The following ZEB2 variants were observed in gnomAD, a reference collection of about 807,000 sequenced individuals.
ZEB2 encodes the protein zinc finger E-box-binding homeobox 2.
ZEB2 carries 6 observed loss-of-function variants against 99.9 expected under a neutral mutation model. The ratio of observed to expected loss-of-function variants is 0.06; its 90% CI spans 0.03 to 0.12. The LOEUF (loss-of-function observed/expected upper bound fraction) is 0.12. Ranked by LOEUF, ZEB2 falls within the 10% of genes least tolerant of loss-of-function variation. The pLI is 1.00. For synonymous variants in ZEB2, 517 were observed against 542.5 expected, an observed-to-expected ratio of 0.95 and a Z score of 0.65; for missense variants, 969 against 1,502.8, an observed-to-expected ratio of 0.64 and a Z score of 5.87.
At position 144,399,365 on chromosome 2, in the gene ZEB2, C is replaced by T. The variant is rs781171719; in HGVS notation, c.1822G>A (p.Glu608Lys). 5 of 1,614,106 alleles carry T rather than the reference C, an allele frequency of 3.1e-6. No homozygotes were observed. The South Asian group carries it at 5.5e-5, about 18-fold the overall frequency. The part of the protein sequence containing the change: ...QHERYLCKMN[E>K]EIKAVLQPHE... ...GGCTGCAGGACCGCCTTGATCTCTT[C>T]ATTCATCTTACAAAGGTAACGTTCA... The change falls in exon 8 of 10, where the codon GAA becomes AAA. Residue 608 changes from glutamate (E) to lysine (K), a missense_variant. By Grantham distance (56) the Glu-to-Lys change is moderately conservative. Transcript: ENST00000627532. The surrounding 1 kb of genome is among the most constrained non-coding windows in gnomAD (Gnocchi z 5.6).
chr2:144,460,183 G>A (rs940861178), intron 2 of ZEB2, among the ~76,000 whole-genome samples: 1 of 152,168 alleles, frequency 6.6e-6, no homozygotes, highest in African/African-American at 2.4e-5. Context: ...GTAGGTTAGA[G>A]ATGTGGACTG....
Position 144,398,692 on chromosome 2 carries a change from G to A in ZEB2, c.2495C>T (p.Ala832Val), listed in dbSNP as rs730881179. 1.9e-6 allele frequency: 3 copies of A among 1,614,022 alleles called. No homozygotes were observed. The South Asian group carries it at 3.3e-5, about 18-fold the overall frequency. The change falls in exon 8 of 10, where the codon GCC becomes GTC. Residue 832 changes from alanine (A) to valine (V), a missense_variant. By Grantham distance (64) the Ala-to-Val change is moderately conservative (BLOSUM62 0). Transcript: ENST00000627532. Reference sequence around the variant, plus strand: ...ACTAGCTTTTGTTTTGTTCTTTGTGGCTATAATACTTTTGGGTTCTTTCAT... The same window carrying A: ...ACTAGCTTTTGTTTTGTTCTTTGTGACTATAATACTTTTGGGTTCTTTCAT... ...KQMKEPKSIIATKNKTKASSI... is the reference protein window; with the variant it reads ...KQMKEPKSIIVTKNKTKASSI...
intron 2 of ZEB2, among the ~76,000 whole-genome samples, chr2:144,468,894 G>A (rs1366114814): frequency 6.6e-6 from 1 of 152,048 alleles, no homozygotes; most frequent in Non-Finnish European, 1.5e-5. Flanking sequence ...TTCAGGGAGG[G>A]AAACTCTTAG....
At chr2:144,450,470 C>T (rs866481671) in intron 2 of ZEB2, 1 of 152,138 alleles carries the variant, frequency 6.6e-6, no homozygotes, top group Non-Finnish European at 1.5e-5. Flanking sequence ...ATTATTCTCT[C>T]TAATCAACAC....
At chr2:144,511,718 T>C (rs1399536574) in intron 2 of ZEB2, 2 of 1,286,432 alleles carry the variant, frequency 1.6e-6, no homozygotes, top group Admixed American at 4.6e-5. Flanking sequence ...ATACAAATAA[T>C]GAGGAGGTGC....
At chr2:144,433,101 A>C (rs975135846) in intron 2 of ZEB2, among the ~76,000 whole-genome samples, 47 of 152,186 alleles carry the variant, frequency 3.1e-4, no homozygotes, top group Non-Finnish European at 1.5e-5. Context: ...CAGTTACTTC[A>C]AAACCACAAA....
At chr2:144,420,640 G>A (rs1308646132) in intron 4 of ZEB2, among the ~76,000 whole-genome samples, 1 of 152,194 alleles carries the variant, frequency 6.6e-6, no homozygotes, top group Non-Finnish European at 1.5e-5. Context: ...GTTCTGAAGA[G>A]ATTGCTGTCG....
chr2:144,441,164 CGAGAGAGAGAGAGAGAGAGA>C (rs113731061), intron 2 of ZEB2, among the ~76,000 whole-genome samples: 2 of 88,850 alleles, frequency 2.3e-5, no homozygotes, highest in East Asian at 3.5e-4. Context: ...TTTAGCTGCA[CGAGAGAGAGAGAGAGAGAGA>C]GAGAGAGAGA....
At chr2:144,480,951 G>A (rs1704502560) in intron 2 of ZEB2, among the ~76,000 whole-genome samples, 1 of 152,046 alleles carries the variant, frequency 6.6e-6, no homozygotes, top group Non-Finnish European at 1.5e-5. Context: ...CTGCTTTTGA[G>A]AATTTTTGTA....
chr2:144,488,098 T>A (rs1704625318), intron 2 of ZEB2, among the ~76,000 whole-genome samples: 1 of 152,182 alleles, frequency 6.6e-6, no homozygotes, highest in African/African-American at 2.4e-5. Context: ...TTCCAGGTAG[T>A]TCAGAGGCCC....
chr2:144,497,554 G>A (rs1163862073), intron 2 of ZEB2, among the ~76,000 whole-genome samples: 1 of 151,788 alleles, frequency 6.6e-6, no homozygotes, highest in Non-Finnish European at 1.5e-5. Context: ...CAGGAATAAA[G>A]GTGAAAGAAG....
intron 2 of ZEB2, chr2:144,513,806 A>G: frequency 1.3e-6 from 2 of 1,535,970 alleles, no homozygotes; most frequent in East Asian, 4.9e-5. Context: ...GGCTGTGTGG[A>G]GATAGTGGGG....
At chr2:144,453,031 T>G (rs1704075818) in intron 2 of ZEB2, among the ~76,000 whole-genome samples, 1 of 152,210 alleles carries the variant, frequency 6.6e-6, no homozygotes. Context: ...TCTTATTTAG[T>G]TTCTATATTA....
At chr2:144,499,121 A>G (rs907847648) in intron 2 of ZEB2, among the ~76,000 whole-genome samples, 2 of 152,232 alleles carry the variant, frequency 1.3e-5, no homozygotes, top group African/African-American at 4.8e-5. Flanking sequence ...AAATAAGCAT[A>G]TTCTTAGGAT....
At chr2:144,502,546 A>G (rs1409829418) in intron 2 of ZEB2, among the ~76,000 whole-genome samples, 2 of 152,176 alleles carry the variant, frequency 1.3e-5, no homozygotes, top group East Asian at 3.8e-4. Flanking sequence ...CTTCAAGCAG[A>G]GAGCTGCCTC....
chr2:144,423,613 T>C (rs1703649800), intron 4 of ZEB2, among the ~76,000 whole-genome samples: 1 of 152,200 alleles, frequency 6.6e-6, no homozygotes, highest in Admixed American at 6.5e-5. Flanking sequence ...TTAGGATTCT[T>C]GGTGCTTGAT....
At chr2:144,476,557 G>C (rs1704432751) in intron 2 of ZEB2, among the ~76,000 whole-genome samples, 1 of 152,132 alleles carries the variant, frequency 6.6e-6, no homozygotes, top group African/African-American at 2.4e-5. Context: ...TCTTCAAAGG[G>C]ACTAGCTGAG....
chr2:144,401,598 C>T (rs1468565520), intron 6 of ZEB2, among the ~76,000 whole-genome samples: 3 of 152,112 alleles, frequency 2.0e-5, no homozygotes, highest in African/African-American at 7.2e-5. Flanking sequence ...GGAAGTATAA[C>T]TGTAAAGATA....
At chr2:144,501,823 T>C (rs1348530698) in intron 2 of ZEB2, among the ~76,000 whole-genome samples, 1 of 152,200 alleles carries the variant, frequency 6.6e-6, no homozygotes, top group Middle Eastern at 3.2e-3. Flanking sequence ...TTCACACCTA[T>C]GGGATTGGAC....
Sources: allele counts gnomAD v4.1 joint callset (sites outside exome capture counted in the v4.1 genomes callset), GRCh38; gene constraint gnomAD v4.1.1; non-coding constraint Gnocchi (gnomAD v3.1); transcripts MANE v1.5; gene names NCBI Gene and HGNC (gene_info 2026-07-23, HGNC 2026-07-21).